C7orf78: variants seen among roughly 807,000 people sequenced by gnomAD.
C7orf78 encodes putative uncharacterized protein C7orf78.
chr7:12,489,108 G>T, the C7orf78 span, among the ~76,000 whole-genome samples: 1 of 151,696 alleles, frequency 6.6e-6, no homozygotes. Context: ...GAAGTATTGG[G>T]GCATATTAAA....
the C7orf78 span, chr7:12,531,053 A>T: frequency 5.0e-6 from 2 of 398,488 alleles, no homozygotes; most frequent in East Asian, 7.1e-5. Context: ...GCATTTATGG[A>T]TCGTGTGGAA....
the C7orf78 span, among the ~76,000 whole-genome samples, chr7:12,500,280 T>A: frequency 6.6e-6 from 1 of 151,918 alleles, no homozygotes; most frequent in East Asian, 1.9e-4. Context: ...AAAAAATTAA[T>A]GAATCCAGGA....
chr7:12,499,114 C>T, the C7orf78 span, among the ~76,000 whole-genome samples: 4 of 152,156 alleles, frequency 2.6e-5, no homozygotes, highest in Non-Finnish European at 2.9e-5. Context: ...CAACCGGTAC[C>T]AGCCACTGCA....
the C7orf78 span, chr7:12,523,284 A>C: frequency 2.5e-6 from 1 of 398,450 alleles, no homozygotes; most frequent in Non-Finnish European, 4.4e-6. Flanking sequence ...AGCATAAGGA[A>C]TCATCCTAAG....
the C7orf78 span, among the ~76,000 whole-genome samples, chr7:12,526,770 T>C: frequency 1.0e-3 from 158 of 152,098 alleles, 2 homozygotes; most frequent in Non-Finnish European, 2.0e-3. Flanking sequence ...GTAATTGAAA[T>C]GGAACATGTC....
chr7:12,525,575 A>C, the C7orf78 span, among the ~76,000 whole-genome samples: 4 of 152,112 alleles, frequency 2.6e-5, no homozygotes, highest in African/African-American at 9.7e-5. Context: ...TGATCACTTC[A>C]CAAAAGGGTA....
At chr7:12,503,076 A>C in the C7orf78 span, among the ~76,000 whole-genome samples, 4 of 124,466 alleles carry the variant, frequency 3.2e-5, 1 homozygote, top group Non-Finnish European at 6.7e-5. Flanking sequence ...CACTCTGGGG[A>C]CTGTTGTGGG....
chr7:12,513,201 TTTTC>T, the C7orf78 span, among the ~76,000 whole-genome samples: 5 of 151,712 alleles, frequency 3.3e-5, no homozygotes, highest in African/African-American at 9.7e-5. Flanking sequence ...CTTTCTTTCT[TTTTC>T]TTTCTTTCTT....
At chr7:12,489,420 A>G in the C7orf78 span, among the ~76,000 whole-genome samples, 2 of 152,284 alleles carry the variant, frequency 1.3e-5, no homozygotes, top group African/African-American at 2.4e-5. Context: ...TATTTTAACT[A>G]AGAAGCAGAA....
chr7:12,511,343 C>T, the C7orf78 span, among the ~76,000 whole-genome samples: 1 of 152,004 alleles, frequency 6.6e-6, no homozygotes. Context: ...GTCCTTTTTG[C>T]TCAGTATTAC....
chr7:12,501,253 A>C, the C7orf78 span, among the ~76,000 whole-genome samples: 1 of 146,992 alleles, frequency 6.8e-6, no homozygotes, highest in Non-Finnish European at 1.5e-5. Flanking sequence ...GGAGAAGGAA[A>C]TAAAGGGTAT....
chr7:12,491,665 T>A, the C7orf78 span: 1 of 152,206 alleles, frequency 6.6e-6, no homozygotes, highest in African/African-American at 2.4e-5. Context: ...TAATATTTCC[T>A]CTAGCCATAT....
At chr7:12,538,710 T>C in the C7orf78 span, among the ~76,000 whole-genome samples, 4 of 152,070 alleles carry the variant, frequency 2.6e-5, no homozygotes, top group Non-Finnish European at 1.5e-5. Flanking sequence ...CTCATCAATT[T>C]CATTAATTCA....
chr7:12,502,847 T>G, the C7orf78 span, among the ~76,000 whole-genome samples: 13 of 139,538 alleles, frequency 9.3e-5, no homozygotes, highest in Non-Finnish European at 1.7e-4. Flanking sequence ...TGTCCAAGAA[T>G]GATAGACTGG....
the C7orf78 span, among the ~76,000 whole-genome samples, chr7:12,498,068 C>T: frequency 6.6e-6 from 1 of 151,598 alleles, no homozygotes; most frequent in Admixed American, 6.6e-5. Flanking sequence ...GACATCCACA[C>T]CAAAAACCCA....
chr7:12,525,254 G>A, the C7orf78 span, among the ~76,000 whole-genome samples: 601 of 152,038 alleles, frequency 4.0e-3, 7 homozygotes, highest in African/African-American at 0.014. Flanking sequence ...TCAGTTCTTG[G>A]AGTGTACAAA....
chr7:12,520,610 T>C, the C7orf78 span, among the ~76,000 whole-genome samples: 1 of 152,252 alleles, frequency 6.6e-6, no homozygotes, highest in Non-Finnish European at 1.5e-5. Context: ...TTTTTAATCC[T>C]TTTTAATTTG....
the C7orf78 span, among the ~76,000 whole-genome samples, chr7:12,498,381 G>A: frequency 6.6e-6 from 1 of 150,958 alleles, no homozygotes; most frequent in East Asian, 2.0e-4. Flanking sequence ...ATACAGAGAA[G>A]TGCTTAAAGG....
the C7orf78 span, among the ~76,000 whole-genome samples, chr7:12,484,923 C>T: frequency 2.0e-5 from 3 of 152,046 alleles, no homozygotes; most frequent in African/African-American, 7.2e-5. Context: ...AATATCTGTC[C>T]TCTTCGATTA....
Sources: allele counts gnomAD v4.1 joint callset (sites outside exome capture counted in the v4.1 genomes callset), GRCh38; gene constraint gnomAD v4.1.1; transcripts MANE v1.5; gene names NCBI Gene and HGNC (gene_info 2026-07-23, HGNC 2026-07-21).